TMEM215: variants seen among roughly 807,000 people sequenced by gnomAD.
The protein encoded by TMEM215 is transmembrane protein 215.
Under a neutral mutation model 14.7 loss-of-function variants are expected in TMEM215, and 12 were observed. The ratio of observed to expected loss-of-function variants is 0.82; its 90% CI spans 0.52 to 1.33. The LOEUF (loss-of-function observed/expected upper bound fraction) is 1.33. Ranked by LOEUF, TMEM215 falls within the 40% of genes most tolerant of loss-of-function variation. The probability of loss-of-function intolerance (pLI) is 0.00; values close to 1 mark genes in which losing one functional copy is unlikely to be tolerated. For synonymous variants in TMEM215, 122 were observed against 124.8 expected (o/e 0.98, Z 0.15); for missense variants, 276 against 296.2 (o/e 0.93, Z 0.50).
rs1208783697 is a variant in TMEM215 at position 32,785,450 on chromosome 9, TAA to T, written c.*561_*562del. 1 of 167,618 alleles carries T rather than the reference TAA, an allele frequency of 6.0e-6. No individual in the cohort carries two copies. The highest frequency in any genetic ancestry group is 2.4e-5 in the African/African-American group (1 of 41,450). 10.4% of individuals were successfully genotyped at this position (167,618 alleles called of 1,614,324 possible). A position where few individuals can be genotyped will look rare whatever the true frequency, so the allele number is the denominator to read the frequency against. Reference sequence around the variant, plus strand: ...GGATGGTTTTTGGGAAAAGGGTAGTTAAAGAGAGTTGGATTATGTAACTGAGT... The same window carrying T: ...GGATGGTTTTTGGGAAAAGGGTAGTTAGAGAGTTGGATTATGTAACTGAGT... On this transcript the variant is annotated 3_prime_UTR_variant, in exon 2 of 2. Transcript: ENST00000342743.
At chr9:32,784,089 A>G in intron 1 of TMEM215, 37 bp from the exon 2 acceptor site, 2 of 1,224,978 alleles carry the variant, frequency 1.6e-6, no homozygotes, top group Non-Finnish European at 2.3e-6. Context: ...CTTGACTTGG[A>G]TTTTTTTTTA....
In TMEM215 at chr9:32,787,377, TA is replaced by T; in HGVS notation, c.*2490del. The T allele has an allele frequency of 6.0e-6, 1 of 167,078 alleles. No homozygotes were observed. The highest frequency in any genetic ancestry group is 2.1e-4 in the South Asian group (1 of 4,818). The allele number at this position is 167,078 out of a possible 1,614,324, so 10.3% of individuals were successfully genotyped here. A position where few individuals can be genotyped will look rare whatever the true frequency, so the allele number is the denominator to read the frequency against. Reference sequence around the variant, plus strand: ...CATTTGAGGAAATATTTTCCTGTGCTAAAATAAAGGTTTGCAAATGTTGGTG... The same window carrying T: ...CATTTGAGGAAATATTTTCCTGTGCTAAATAAAGGTTTGCAAATGTTGGTG... On this transcript the variant is annotated 3_prime_UTR_variant, in exon 2 of 2. Transcript: ENST00000342743.
chr9:32,787,055 A>C lies in TMEM215; in HGVS notation c.*2164A>C, dbSNP rs996235476. ...CACCGTTAGAGATGAGGAGATAGTG[A>C]GACAGAGAGATGTTCACAGAGACTC... On this transcript the variant is annotated 3_prime_UTR_variant, in exon 2 of 2. Transcript: ENST00000342743. 6.0e-6 allele frequency: 1 copy of C among 166,976 alleles called. No individual in the cohort carries two copies. Among genetic ancestry groups the C allele is most frequent in the East Asian group, 1.9e-4 (1 of 5,204 alleles). 10.3% of individuals were successfully genotyped at this position (166,976 alleles called of 1,614,324 possible).
Position 32,784,588 on chromosome 9 carries a change from C to G in TMEM215, c.405C>G (p.Ile135Met), listed in dbSNP as rs778375535. 51 of 1,613,474 alleles carry G rather than the reference C, an allele frequency of 3.2e-5. No homozygotes were observed. Among genetic ancestry groups the G allele is most frequent in the Non-Finnish European group, 3.8e-5 (45 of 1,179,886 alleles). Residue 135 changes from isoleucine to methionine, a missense_variant, in exon 2 of 2, where the codon ATC becomes ATG. Coordinates refer to ENST00000342743, the MANE Select transcript of TMEM215 (RefSeq NM_212558.3). ...SQGEVSVASS[I>M]NSPTPTEEGE... ...GTGAGGTGTCCGTGGCCAGCTCCAT[C>G]AACAGCCCCACACCCACGGAGGAAG...
intron 1 of TMEM215, 41 bp from the exon 2 acceptor site, chr9:32,784,084 CT>C (rs1288662989): frequency 1.2e-5 from 14 of 1,197,144 alleles, no homozygotes; most frequent in Non-Finnish European, 1.5e-5. Context: ...GGGAGCTTGA[CT>C]TGGATTTTTT....
rs1824528738 is a variant in TMEM215, at chr9:32,788,203, G to A, written c.*3312G>A. 6.6e-6 allele frequency among the ~76,000 whole-genome samples: 1 copy of A among 152,000 alleles called. No individual in the cohort carries two copies. The highest frequency in any genetic ancestry group is 2.1e-4 in the South Asian group (1 of 4,818). On this transcript the variant is annotated 3_prime_UTR_variant, in exon 2 of 2. Transcript: ENST00000342743. ...TCCAAGCTCTACTTATTTATTAATA[G>A]CCTCCCTCTGTACCCATAACATCAT...
In TMEM215 at chr9:32,786,342, C is replaced by A. The variant is rs1054299065; in HGVS notation, c.*1451C>A. On this transcript the variant is annotated 3_prime_UTR_variant, in exon 2 of 2. Transcript: ENST00000342743. Reference sequence around the variant, plus strand: ...ATATATGTTTTGTGTATTTCAATTCCAACTCTGCAATTCTTTCTTAAGTAT... The same window carrying A: ...ATATATGTTTTGTGTATTTCAATTCAAACTCTGCAATTCTTTCTTAAGTAT... 1.2e-5 allele frequency: 2 copies of A among 166,858 alleles called. No homozygotes were observed. Among genetic ancestry groups the A allele is most frequent in the Non-Finnish European group, 2.9e-5 (2 of 68,048 alleles). 10.3% of individuals were successfully genotyped at this position (166,858 alleles called of 1,614,324 possible).
chr9:32,783,848 A>G, intron 1 of TMEM215, 43 bp downstream of exon 1: 1 of 254,688 alleles, frequency 3.9e-6, no homozygotes, highest in Non-Finnish European at 7.5e-6. Flanking sequence ...TATGAGAGAG[A>G]GACGGAGGTT....
Position 32,785,356 on chromosome 9 carries a change from G to C in TMEM215, c.*465G>C, listed in dbSNP as rs77132361. The C allele has an allele frequency of 0.018, 2,976 of 169,470 alleles. 97 individuals are homozygous for C. The highest frequency in any genetic ancestry group is 0.065 in the African/African-American group (2,698 of 41,534). The allele number at this position is 169,470 out of a possible 1,614,324, so 10.5% of individuals were successfully genotyped here. ...TAAAGTAATTTTTGCCTGGTTAAAA[G>C]CTTATCACACTTGGTATTTGCTGAA... On this transcript the variant is annotated 3_prime_UTR_variant, in exon 2 of 2. Coordinates refer to ENST00000342743, the MANE Select transcript of TMEM215 (RefSeq NM_212558.3).
chr9:32,784,041 C>A (rs1303703630), intron 1 of TMEM215, 85 bp from the exon 2 acceptor site: 15 of 730,428 alleles, frequency 2.1e-5, no homozygotes, highest in Non-Finnish European at 3.4e-5. Context: ...AAGTCGGAGA[C>A]AAAGGGCAAG....
In TMEM215 at chr9:32,786,110, G is replaced by T. The variant is rs1824503919; in HGVS notation, c.*1219G>T. The stretch of plus-strand genomic sequence containing the variant: ...CTAAAATGTGCTTTCTATTTCACTT[G>T]CTCAACTGCAATAGATAAGAAGGCT... On this transcript the variant is annotated 3_prime_UTR_variant, in exon 2 of 2. Transcript: ENST00000342743. 3.0e-5 allele frequency: 5 copies of T among 166,886 alleles called. No homozygotes were observed. In the South Asian group the frequency reaches 1.0e-3, roughly 35 times the overall value. The allele number at this position is 166,886 out of a possible 1,614,324, so 10.3% of individuals were successfully genotyped here. A position where few individuals can be genotyped will look rare whatever the true frequency, so the allele number is the denominator to read the frequency against.
In TMEM215 at chr9:32,784,957, T is replaced by C; in HGVS notation, c.*66T>C. The C allele has an allele frequency of 3.7e-6, 5 of 1,368,440 alleles. No individual in the cohort carries two copies. In the South Asian group the frequency reaches 3.9e-5, roughly 11 times the overall value. 84.8% of individuals were successfully genotyped at this position (1,368,440 alleles called of 1,614,324 possible). On this transcript the variant is annotated 3_prime_UTR_variant, in exon 2 of 2. Transcript: ENST00000342743. ...AAGCCCAGCTCCCCGTGGAAGCAAA[T>C]TGCTCTGCTTGGAGAGCCTTCACAC... is the stretch of plus-strand genomic sequence containing the variant.
Position 32,784,141 on chromosome 9 carries a change from C to A in TMEM215, c.-43C>A. The A allele has an allele frequency of 6.4e-7, 1 of 1,560,252 alleles. No individual in the cohort carries two copies. The highest frequency in any genetic ancestry group is 8.7e-7 in the Non-Finnish European group (1 of 1,149,284). On this transcript the variant is annotated 5_prime_UTR_variant, in exon 2 of 2. Transcript: ENST00000342743. ...TCTCTGACAGAATAGAGGAACGCTG[C>A]TCCCTGGTCAGCAAGCAGCCCCCAA...
chr9:32,784,107 G>A lies in TMEM215; in HGVS notation c.-58-19G>A. 1 of 1,401,304 alleles carries A rather than the reference G, an allele frequency of 7.1e-7. No individual in the cohort carries two copies. The allele number at this position is 1,401,304 out of a possible 1,614,324, so 86.8% of individuals were successfully genotyped here. ...GACTTGGATTTTTTTTTAACGCACT[G>A]TGGTTTCATCTCTGACAGAATAGAG... is the stretch of plus-strand genomic sequence containing the variant. On this transcript the variant is annotated intron_variant, in intron 1 of 1. Coordinates refer to ENST00000342743, the MANE Select transcript of TMEM215 (RefSeq NM_212558.3).
Position 32,784,196 on chromosome 9 carries a change from G to A in TMEM215, c.13G>A (p.Asp5Asn). 1 of 1,612,836 alleles carries A rather than the reference G, an allele frequency of 6.2e-7. No individual in the cohort carries two copies. Among genetic ancestry groups the A allele is most frequent in the Non-Finnish European group, 8.5e-7 (1 of 1,179,214 alleles). Residue 5 changes from aspartate (D) to asparagine (N), a missense_variant, in exon 2 of 2, where the codon GAC becomes AAC. Physicochemically the swap from Asp to Asn is conservative, Grantham distance 23. Transcript: ENST00000342743. The part of the protein sequence containing the change: MRPD[D>N]INPRTGLVVA... ...GATGGAGTGAAACATGCGGCCTGAT[G>A]ACATTAACCCGAGGACTGGGCTGGT...
At position 32,786,038 on chromosome 9, in the gene TMEM215, T is replaced by G. The variant is rs1188204878; in HGVS notation, c.*1147T>G. The G allele has an allele frequency of 6.0e-6, 1 of 166,978 alleles. No individual in the cohort carries two copies. Among genetic ancestry groups the G allele is most frequent in the Admixed American group, 6.5e-5 (1 of 15,292 alleles). 10.3% of individuals were successfully genotyped at this position (166,978 alleles called of 1,614,324 possible). A position where few individuals can be genotyped will look rare whatever the true frequency, so the allele number is the denominator to read the frequency against. On this transcript the variant is annotated 3_prime_UTR_variant, in exon 2 of 2. Transcript: ENST00000342743. ...CATTACATGATAAAAGTCTCTTTAT[T>G]TCATACATTTTTGCTGCTGAGGAAA...
rs1824500853 is a variant in TMEM215 at position 32,785,851 on chromosome 9, T to C, written c.*960T>C. 1 of 166,878 alleles carries C rather than the reference T, an allele frequency of 6.0e-6. No homozygotes were observed. Among genetic ancestry groups the C allele is most frequent in the South Asian group, 2.1e-4 (1 of 4,834 alleles). 10.3% of individuals were successfully genotyped at this position (166,878 alleles called of 1,614,324 possible). A position where few individuals can be genotyped will look rare whatever the true frequency, so the allele number is the denominator to read the frequency against. ...AAGTCTACACATTAGCCTTGAACAT[T>C]GCACATAATTTGTATGAAATGCAAT... On this transcript the variant is annotated 3_prime_UTR_variant, in exon 2 of 2. Transcript: ENST00000342743.
chr9:32,784,020 A>G, intron 1 of TMEM215, 106 bp from the exon 2 acceptor site: 1 of 638,468 alleles, frequency 1.6e-6, no homozygotes, highest in East Asian at 2.7e-5. Flanking sequence ...CAAGACTGAA[A>G]GTCAAGAAGC....
chr9:32,784,732 A>C lies in TMEM215; in HGVS notation c.549A>C (p.Ala183=). The C allele has an allele frequency of 6.2e-7, 1 of 1,614,118 alleles. No homozygotes were observed. The highest frequency in any genetic ancestry group is 8.5e-7 in the Non-Finnish European group (1 of 1,180,030). Residue 183 remains alanine, a synonymous_variant, in exon 2 of 2, where the codon GCA becomes GCC. Transcript: ENST00000342743. ...GTGCCTTGGACGTCAAGTGCTCAGC[A>C]AGGGACAGATCTGAGTGCCCTGAGC... ...TYSALDVKCS[A]RDRSECPEPE...
Sources: allele counts gnomAD v4.1 joint callset (sites outside exome capture counted in the v4.1 genomes callset), GRCh38; gene constraint gnomAD v4.1.1; transcripts MANE v1.5; gene names NCBI Gene and HGNC (gene_info 2026-07-23, HGNC 2026-07-21).